Variants in LRTM1 observed in about 807,000 individuals in gnomAD.
The protein encoded by LRTM1 is leucine-rich repeat and transmembrane domain-containing protein 1.
LRTM1 carries 38 observed loss-of-function variants against 32.4 expected under a neutral mutation model. That is an observed-to-expected ratio of 1.17 (90% CI 0.91 to 1.54). LRTM1 has a LOEUF of 1.54. Among genes scored for constraint, LRTM1 ranks in the 40% most tolerant of loss-of-function variants. The pLI, the probability that LRTM1 is intolerant of heterozygous loss-of-function variation, is 0.00. For missense variants in LRTM1, 466 were observed against 415.4 expected (o/e 1.12, Z -1.06); for synonymous variants, 186 against 169.9 (o/e 1.09, Z -0.74).
At chr3:54,930,902 G>A (rs147528876), upstream of LRTM1, among the ~76,000 whole-genome samples, 2 of 152,252 alleles carry the variant, frequency 1.3e-5, no homozygotes, top group East Asian at 3.9e-4. Context: ...TTCGAGACCA[G>A]CCTGGCCAAC....
chr3:54,922,409 A>G (rs1700879341), intron 2 of LRTM1, among the ~76,000 whole-genome samples: 1 of 151,948 alleles, frequency 6.6e-6, no homozygotes, highest in Non-Finnish European at 1.5e-5. Flanking sequence ...TTAATCCACA[A>G]TACAATAGTT....
At chr3:54,960,871 T>C (rs759365076) in intron 1 of LRTM1, among the ~76,000 whole-genome samples, 6 of 152,244 alleles carry the variant, frequency 3.9e-5, no homozygotes, top group Non-Finnish European at 8.8e-5. Flanking sequence ...TTGTTATTCA[T>C]GTGGTAAGTC....
upstream of LRTM1, among the ~76,000 whole-genome samples, chr3:54,930,305 G>A (rs1177994579): frequency 6.6e-6 from 1 of 152,128 alleles, no homozygotes; most frequent in Non-Finnish European, 1.5e-5. Flanking sequence ...TCTATCAAAT[G>A]AGGGGGTTGG....
At chr3:54,964,900 G>A (rs1702112182) in intron 1 of LRTM1, among the ~76,000 whole-genome samples, 2 of 151,128 alleles carry the variant, frequency 1.3e-5, no homozygotes, top group South Asian at 2.1e-4. Flanking sequence ...CGTTACTCTC[G>A]ATCCCTTACT....
intron 1 of LRTM1, among the ~76,000 whole-genome samples, chr3:54,964,903 C>T (rs1702114061): frequency 6.6e-6 from 1 of 151,872 alleles, no homozygotes; most frequent in Non-Finnish European, 1.5e-5. Context: ...TACTCTCGAT[C>T]CCTTACTCTC....
At chr3:54,953,660 G>T (rs1364189462) in intron 1 of LRTM1, among the ~76,000 whole-genome samples, 1 of 152,228 alleles carries the variant, frequency 6.6e-6, no homozygotes, top group Non-Finnish European at 1.5e-5. Context: ...TTCCCCAGGA[G>T]CTGGGAAGGA....
At chr3:54,957,274 G>A (rs894525990) in intron 1 of LRTM1, among the ~76,000 whole-genome samples, 6 of 151,838 alleles carry the variant, frequency 4.0e-5, no homozygotes, top group Admixed American at 2.6e-4. Flanking sequence ...ATCTTCCTAC[G>A]GAACTTAGAC....
At chr3:54,940,084 A>T (rs1223387981) in intron 1 of LRTM1, among the ~76,000 whole-genome samples, 2 of 152,180 alleles carry the variant, frequency 1.3e-5, no homozygotes, top group African/African-American at 4.8e-5. Context: ...TGGACAGCTC[A>T]ATCTTCTATG....
intron 1 of LRTM1, among the ~76,000 whole-genome samples, chr3:54,947,922 A>T (rs911482744): frequency 6.6e-6 from 1 of 152,180 alleles, no homozygotes; most frequent in Non-Finnish European, 1.5e-5. Flanking sequence ...CCAGAGCAAC[A>T]TGGCCTCTGT....
rs148879457 is a variant in LRTM1 at position 54,922,543 on chromosome 3, T to C, written c.604+2076A>G. On this transcript the variant is annotated intron_variant, in intron 2 of 2. Coordinates refer to ENST00000273286, the MANE Select transcript of LRTM1 (RefSeq NM_020678.4). ...TGTCGACTGGATATTGATTATGTAA[T>C]TTACTATTACATTGTTGAGAAGGAT... 3.2e-3 allele frequency among the ~76,000 whole-genome samples: 485 copies of C among 152,226 alleles called. 4 individuals are homozygous for C. The highest frequency in any genetic ancestry group is 0.011 in the African/African-American group (457 of 41,534).
At chr3:54,939,956 T>A (rs76294476) in intron 1 of LRTM1, among the ~76,000 whole-genome samples, 3,226 of 152,232 alleles carry the variant, frequency 0.021, 115 homozygotes, top group African/African-American at 0.07. Flanking sequence ...CCATGATGGA[T>A]TTCTAGGTCA....
intron 1 of LRTM1, among the ~76,000 whole-genome samples, chr3:54,953,754 T>G (rs2107023343): frequency 6.6e-6 from 1 of 152,238 alleles, no homozygotes; most frequent in Admixed American, 6.5e-5. Context: ...CTCTGCTAGC[T>G]TGACAGGCTG....
At chr3:54,937,367 C>T (rs1701356972) in intron 1 of LRTM1, among the ~76,000 whole-genome samples, 1 of 152,158 alleles carries the variant, frequency 6.6e-6, no homozygotes, top group South Asian at 2.1e-4. Flanking sequence ...ACAGTTGTCC[C>T]TCGGTATATG....
intron 1 of LRTM1, among the ~76,000 whole-genome samples, chr3:54,926,144 A>G (rs1701008537): frequency 6.6e-6 from 1 of 152,164 alleles, no homozygotes; most frequent in Non-Finnish European, 1.5e-5. Flanking sequence ...TTACTGATGT[A>G]TCCCTCCAGA....
intron 1 of LRTM1, among the ~76,000 whole-genome samples, chr3:54,956,863 G>A (rs922927132): frequency 2.0e-5 from 3 of 151,836 alleles, no homozygotes; most frequent in South Asian, 2.1e-4. Flanking sequence ...AAAGAACACC[G>A]AGAGCACACT....
At chr3:54,958,938 T>C (rs1701967052) in intron 1 of LRTM1, among the ~76,000 whole-genome samples, 1 of 151,900 alleles carries the variant, frequency 6.6e-6, no homozygotes, top group African/African-American at 2.4e-5. Flanking sequence ...ACCCTGTCTC[T>C]ACAAAAAACA....
At chr3:54,926,045 A>G (rs1647239293) in intron 1 of LRTM1, among the ~76,000 whole-genome samples, 1 of 152,182 alleles carries the variant, frequency 6.6e-6, no homozygotes, top group African/African-American at 2.4e-5. Flanking sequence ...CTTTCAACTC[A>G]GAAGAGCAAT....
intron 1 of LRTM1, among the ~76,000 whole-genome samples, chr3:54,940,571 T>A (rs950218012): frequency 3.1e-4 from 47 of 152,278 alleles, no homozygotes; most frequent in African/African-American, 1.0e-3. Flanking sequence ...CTTTATATAA[T>A]GCAGCATTTT....
chr3:54,947,711 C>T (rs955641546), intron 1 of LRTM1, among the ~76,000 whole-genome samples: 1 of 152,084 alleles, frequency 6.6e-6, no homozygotes, highest in African/African-American at 2.4e-5. Flanking sequence ...AGTCAGGACT[C>T]GGTCTTGGGA....
Sources: gnomAD v4.1 joint callset for allele counts (sites outside exome capture counted in the v4.1 genomes callset) on GRCh38, gnomAD v4.1.1 for gene constraint, MANE v1.5 for transcripts, NCBI Gene and HGNC (gene_info 2026-07-23, HGNC 2026-07-21) for gene names.